Variants in MYO9A observed in about 807,000 individuals in gnomAD.
MYO9A encodes the protein myosin IXA.
A neutral mutation model predicts 293.3 loss-of-function variants in MYO9A; 103 were observed. The observed-to-expected ratio is 0.35, with a 90% CI of 0.30 to 0.41. MYO9A has a LOEUF of 0.41. Among genes scored for constraint, MYO9A ranks in the 10% least tolerant of loss-of-function variants. The probability of loss-of-function intolerance (pLI) is 1.00; values close to 1 mark genes in which losing one functional copy is unlikely to be tolerated. For missense variants in MYO9A, 2,685 were observed against 3,033.0 expected, an observed-to-expected ratio of 0.89 and a Z score of 2.69; for synonymous variants, 1,001 against 1,035.7, an observed-to-expected ratio of 0.97 and a Z score of 0.64.
intron 11 of MYO9A, among the ~76,000 whole-genome samples, chr15:71,982,005 ATTTTTTTTTTTTTTTTTT>A (rs750930471): frequency 9.1e-4 from 51 of 56,318 alleles, no homozygotes; most frequent in African/African-American, 4.0e-3. Context: ...CCTATTTAGA[ATTTTTTTTTTTTTTTTTT>A]TTTTTTTTTT....
At chr15:72,000,628 G>A (rs1423806512) in intron 8 of MYO9A, among the ~76,000 whole-genome samples, 1 of 152,022 alleles carries the variant, frequency 6.6e-6, no homozygotes, top group African/African-American at 2.4e-5. Flanking sequence ...ATCTAACTAT[G>A]TGGATAATTT....
intron 30 of MYO9A, 143 bp from the exon 31 acceptor site, chr15:71,878,374 A>G: frequency 1.9e-6 from 1 of 516,220 alleles, no homozygotes; most frequent in Non-Finnish European, 3.1e-6. Context: ...CCATGAGGTC[A>G]TGTGGTATTT....
chr15:71,863,079 C>T (rs2056203102), intron 32 of MYO9A, among the ~76,000 whole-genome samples: 3 of 151,916 alleles, frequency 2.0e-5, no homozygotes, highest in African/African-American at 7.3e-5. Flanking sequence ...GCGCCTACCA[C>T]TACGCCTGGA....
chr15:71,862,596 C>T lies in MYO9A; in HGVS notation c.5995G>A (p.Gly1999Ser). 1 of 1,610,318 alleles carries T rather than the reference C, an allele frequency of 6.2e-7. No individual in the cohort carries two copies. Among genetic ancestry groups the T allele is most frequent in the South Asian group, 1.1e-5 (1 of 90,864 alleles). The part of the protein sequence containing the change: ...KETDLVEEHN[G>S]HIFKATQYSI... ...TATTGGGTGGCTTTAAAGATGTGAC[C>T]ATTGTGTTCTTCCACCTGAATGAAA... Residue 1999 changes from glycine to serine, a missense_variant, in exon 33 of 42, where the codon GGT (glycine) becomes AGT (serine). Transcript: ENST00000356056.
intron 1 of MYO9A, among the ~76,000 whole-genome samples, chr15:72,050,185 T>A (rs1237932353): frequency 1.3e-5 from 2 of 150,968 alleles, no homozygotes; most frequent in African/African-American, 4.9e-5. Flanking sequence ...AAAAGGAGGG[T>A]TTGTCTCAAA....
At chr15:72,003,715 A>AT (rs1384493830) in intron 8 of MYO9A, among the ~76,000 whole-genome samples, 12 of 151,954 alleles carry the variant, frequency 7.9e-5, no homozygotes, top group Admixed American at 7.9e-4. Flanking sequence ...AAAAAAAAAA[A>AT]AAAAAATAAG....
intron 31 of MYO9A, 101 bp from the exon 32 acceptor site, chr15:71,875,939 C>T: frequency 1.7e-6 from 1 of 577,192 alleles, no homozygotes; most frequent in Non-Finnish European, 2.7e-6. Flanking sequence ...ACAGGTAACA[C>T]AATAGTCATT....
At chr15:72,031,553 GTC>G (rs2077871152) in intron 3 of MYO9A, among the ~76,000 whole-genome samples, 1 of 152,024 alleles carries the variant, frequency 6.6e-6, no homozygotes, top group Admixed American at 6.6e-5. Flanking sequence ...TGTGCATGTG[GTC>G]TCTGTCTGAA....
chr15:72,009,545 C>CA (rs35965590), intron 7 of MYO9A, among the ~76,000 whole-genome samples: 4,126 of 136,120 alleles, frequency 0.03, 165 homozygotes, highest in African/African-American at 0.1. Flanking sequence ...GGCAACATGG[C>CA]AAAAAAAAAA....
chr15:72,099,962 A>C (rs544309860), intron 1 of MYO9A, among the ~76,000 whole-genome samples: 3 of 151,682 alleles, frequency 2.0e-5, no homozygotes, highest in Admixed American at 2.0e-4. Context: ...AAAAAGGGAT[A>C]AAAACTAACA....
intron 1 of MYO9A, among the ~76,000 whole-genome samples, chr15:72,084,829 C>A (rs2079664868): frequency 6.6e-6 from 1 of 152,174 alleles, no homozygotes; most frequent in South Asian, 2.1e-4. Context: ...GAGAGGTCCA[C>A]CATTAGTCTG....
intron 18 of MYO9A, among the ~76,000 whole-genome samples, chr15:71,922,117 A>G (rs1256283456): frequency 6.6e-6 from 1 of 152,180 alleles, no homozygotes; most frequent in Non-Finnish European, 1.5e-5. Flanking sequence ...AGTTGAGACT[A>G]CAGGCACGTG....
chr15:71,845,495 G>T (rs964614105), intron 39 of MYO9A, among the ~76,000 whole-genome samples: 2 of 152,140 alleles, frequency 1.3e-5, no homozygotes, highest in African/African-American at 4.8e-5. Flanking sequence ...ATTTCACAGG[G>T]TCTACAATGT....
At chr15:71,845,585 ATT>A (rs978216337) in intron 39 of MYO9A, among the ~76,000 whole-genome samples, 17 of 152,190 alleles carry the variant, frequency 1.1e-4, no homozygotes, top group Non-Finnish European at 2.2e-4. Flanking sequence ...CATACAAGCA[ATT>A]GTGGGTTCAA....
chr15:71,887,912 T>C, intron 27 of MYO9A, 92 bp downstream of exon 27: 1 of 659,512 alleles, frequency 1.5e-6, no homozygotes, highest in Admixed American at 3.2e-5. Flanking sequence ...GGCCTATCAA[T>C]TATGGTTTTT....
At chr15:71,933,646 A>G (rs1451269233) in intron 18 of MYO9A, 24 bp downstream of exon 18, 1 of 1,596,252 alleles carries the variant, frequency 6.3e-7, no homozygotes, top group South Asian at 1.1e-5. Context: ...ATACCAATAC[A>G]AAAAAAGTTT....
intron 32 of MYO9A, among the ~76,000 whole-genome samples, chr15:71,874,021 T>C (rs568255204): frequency 3.9e-5 from 6 of 152,310 alleles, no homozygotes; most frequent in African/African-American, 1.4e-4. Context: ...GTCCAGTGTT[T>C]CTCAATGAGA....
At chr15:71,980,366 A>C (rs572850324) in intron 11 of MYO9A, among the ~76,000 whole-genome samples, 10 of 152,306 alleles carry the variant, frequency 6.6e-5, no homozygotes, top group East Asian at 3.9e-4. Flanking sequence ...CTATAGACAT[A>C]TCTCTCCAAT....
At chr15:71,928,027 A>AAT (rs1191908867) in intron 18 of MYO9A, among the ~76,000 whole-genome samples, 548 of 10,736 alleles carry the variant, frequency 0.051, 60 homozygotes, top group African/African-American at 0.062. Context: ...ATACCTTTCT[A>AAT]ATATATATAT....
Sources: gnomAD v4.1 joint callset for allele counts (sites outside exome capture counted in the v4.1 genomes callset) on GRCh38, gnomAD v4.1.1 for gene constraint, MANE v1.5 for transcripts, NCBI Gene and HGNC (gene_info 2026-07-23, HGNC 2026-07-21) for gene names.